The following RORB variants were observed in gnomAD, a reference collection of about 807,000 sequenced individuals.
The protein encoded by RORB is RAR related orphan receptor B.
In RORB, 6 loss-of-function variants were observed where a neutral mutation model predicts 59.1. The observed-to-expected ratio is 0.10, with a 90% CI of 0.06 to 0.20. The LOEUF is 0.20. Ranked by LOEUF, RORB falls within the 10% of genes least tolerant of loss-of-function variation. The pLI, the probability that RORB is intolerant of heterozygous loss-of-function variation, is 1.00. For missense variants in RORB, 320 were observed against 560.5 expected (o/e 0.57, Z 4.33); for synonymous variants, 215 against 204.5 (o/e 1.05, Z -0.44).
At chr9:74,614,627 G>A (rs1823280786) in intron 1 of RORB, among the ~76,000 whole-genome samples, 1 of 152,036 alleles carries the variant, frequency 6.6e-6, no homozygotes, top group Non-Finnish European at 1.5e-5. Context: ...TTTGTGATAA[G>A]TGATTAGTGG....
At chr9:74,583,053 G>C (rs1254436366) in intron 1 of RORB, among the ~76,000 whole-genome samples, 2 of 152,056 alleles carry the variant, frequency 1.3e-5, no homozygotes, top group African/African-American at 4.8e-5. Flanking sequence ...CACATGGACT[G>C]GGCCCCCATG....
chr9:74,581,663 T>A (rs1210107920), intron 1 of RORB, among the ~76,000 whole-genome samples: 1 of 152,162 alleles, frequency 6.6e-6, no homozygotes, highest in Non-Finnish European at 1.5e-5. Flanking sequence ...CTACTCTCCC[T>A]ACAAAAGTCG....
intron 1 of RORB, among the ~76,000 whole-genome samples, chr9:74,580,141 G>T (rs1388907940): frequency 6.6e-6 from 1 of 152,052 alleles, no homozygotes; most frequent in Non-Finnish European, 1.5e-5. Context: ...TCCACTAGGG[G>T]TTTAAGACCA....
chr9:74,530,516 G>A (rs961877385), intron 1 of RORB, among the ~76,000 whole-genome samples: 1 of 151,952 alleles, frequency 6.6e-6, no homozygotes, highest in Admixed American at 6.6e-5. Context: ...AAATTGTCAC[G>A]CTGACATTTA....
intron 1 of RORB, among the ~76,000 whole-genome samples, chr9:74,524,710 T>A (rs931309377): frequency 2.0e-5 from 3 of 151,914 alleles, no homozygotes; most frequent in Non-Finnish European, 4.4e-5. Context: ...CCATTGTAAT[T>A]CAAATATGAA....
chr9:74,562,021 CATT>C (rs898968201), intron 1 of RORB, among the ~76,000 whole-genome samples: 1 of 152,152 alleles, frequency 6.6e-6, no homozygotes, highest in Non-Finnish European at 1.5e-5. Context: ...ATCATAAAAA[CATT>C]GTATCCCTTT....
intron 1 of RORB, among the ~76,000 whole-genome samples, chr9:74,579,897 T>G (rs1327108337): frequency 1.3e-5 from 2 of 152,166 alleles, no homozygotes; most frequent in Non-Finnish European, 2.9e-5. Context: ...CGGTTTCGCC[T>G]TCAGCAATTT....
chr9:74,628,366 T>C (rs1823556952), intron 1 of RORB, among the ~76,000 whole-genome samples: 1 of 152,194 alleles, frequency 6.6e-6, no homozygotes, highest in Non-Finnish European at 1.5e-5. Flanking sequence ...AAAACTGTAA[T>C]CTTATTTTGT....
intron 1 of RORB, among the ~76,000 whole-genome samples, chr9:74,537,484 T>A (rs1420518923): frequency 6.6e-6 from 1 of 152,064 alleles, no homozygotes; most frequent in Non-Finnish European, 1.5e-5. Context: ...CCTGTTTTTT[T>A]AACAAGAGTT....
Position 74,497,714 on chromosome 9 carries a change from T to C in RORB, c.-263T>C. The C allele has an allele frequency of 2.0e-6, 1 of 504,202 alleles. No individual in the cohort carries two copies. Among genetic ancestry groups the C allele is most frequent in the South Asian group, 3.6e-5 (1 of 27,690 alleles). The allele number at this position is 504,202 out of a possible 1,614,324, so 31.2% of individuals were successfully genotyped here. On this transcript the variant is annotated 5_prime_UTR_variant, in exon 1 of 10. Coordinates refer to ENST00000376896, the MANE Select transcript of RORB (RefSeq NM_006914.4). ...CCAGGCACCAGACAGCCAGAACATT[T>C]TTTTTTCACCCTTCCTGAAAACAAA...
chr9:74,615,710 C>T (rs755032282), intron 1 of RORB: 2 of 378,492 alleles, frequency 5.3e-6, no homozygotes, highest in Non-Finnish European at 1.1e-5. Context: ...AGGAAGTAAG[C>T]ATTTATAAGC....
At chr9:74,676,814 G>A (rs1017883168) in intron 9 of RORB, among the ~76,000 whole-genome samples, 7 of 152,144 alleles carry the variant, frequency 4.6e-5, no homozygotes, top group Admixed American at 1.3e-4. Context: ...CCATGTAGAT[G>A]TCCTAACCAC....
At chr9:74,642,303 A>T in intron 3 of RORB, 111 bp from the exon 4 acceptor site, 1 of 1,059,562 alleles carries the variant, frequency 9.4e-7, no homozygotes, top group African/African-American at 1.6e-5. Context: ...GGTGCTAGAC[A>T]TTTGTGCATT....
chr9:74,656,995 C>G (rs1824093717), intron 4 of RORB, among the ~76,000 whole-genome samples: 1 of 152,150 alleles, frequency 6.6e-6, no homozygotes, highest in Non-Finnish European at 1.5e-5. Context: ...GAAAGATGGA[C>G]TCGGTTTCAA....
At chr9:74,585,834 G>A (rs11144015) in intron 1 of RORB, among the ~76,000 whole-genome samples, 63,834 of 132,858 alleles carry the variant, frequency 0.48, 14,589 homozygotes, top group East Asian at 0.79. Flanking sequence ...TCGCTCTGTC[G>A]CCCAGACTGG....
intron 1 of RORB, among the ~76,000 whole-genome samples, chr9:74,510,592 C>CCA (rs1314503855): frequency 1.3e-5 from 2 of 152,062 alleles, no homozygotes; most frequent in African/African-American, 4.8e-5. Flanking sequence ...GCTTATGTAG[C>CCA]CACTGTCTCA....
At chr9:74,607,132 T>C (rs1035274021) in intron 1 of RORB, among the ~76,000 whole-genome samples, 18 of 152,222 alleles carry the variant, frequency 1.2e-4, no homozygotes, top group African/African-American at 4.1e-4. Context: ...TTCAGCAACA[T>C]GCAAAATTAC....
At chr9:74,506,172 A>G (rs973114481) in intron 1 of RORB, among the ~76,000 whole-genome samples, 1 of 152,066 alleles carries the variant, frequency 6.6e-6, no homozygotes, top group Non-Finnish European at 1.5e-5. Flanking sequence ...AGATTACTAG[A>G]TATCAAGTAG....
chr9:74,571,604 G>C (rs1383718726), intron 1 of RORB, among the ~76,000 whole-genome samples: 1 of 151,988 alleles, frequency 6.6e-6, no homozygotes, highest in Non-Finnish European at 1.5e-5. Flanking sequence ...ATCACTGCTG[G>C]AGAGCACCTA....
Sources: gnomAD v4.1 joint callset for allele counts (sites outside exome capture counted in the v4.1 genomes callset) on GRCh38, gnomAD v4.1.1 for gene constraint, MANE v1.5 for transcripts, NCBI Gene and HGNC (gene_info 2026-07-23, HGNC 2026-07-21) for gene names.